FRMD4A: variants seen among roughly 807,000 people sequenced by gnomAD.
The protein encoded by FRMD4A is FERM domain-containing protein 4A.
FRMD4A carries 29 observed loss-of-function variants against 129.1 expected under a neutral mutation model. That is an observed-to-expected ratio of 0.22 (90% CI 0.17 to 0.31). The LOEUF is 0.31. Among genes scored for constraint, FRMD4A ranks in the 10% least tolerant of loss-of-function variants. FRMD4A has a pLI of 1.00. For missense variants in FRMD4A, 1,272 were observed against 1,375.8 expected (o/e 0.92, Z 1.19); for synonymous variants, 634 against 571.6 (o/e 1.11, Z -1.56).
intron 22 of FRMD4A, 148 bp downstream of exon 22, chr10:13,656,488 A>T (rs1357436314): frequency 3.0e-6 from 3 of 986,742 alleles, no homozygotes; most frequent in Non-Finnish European, 4.0e-6. Flanking sequence ...AGTCTCCCGC[A>T]TCTAACAGCA....
chr10:13,738,362 A>G (rs7074581), intron 11 of FRMD4A, among the ~76,000 whole-genome samples: 1 of 151,970 alleles, frequency 6.6e-6, no homozygotes, highest in Non-Finnish European at 1.5e-5. Flanking sequence ...ATCGATGGTC[A>G]GAGCCAGAGG....
chr10:14,037,922 TGATCCAAATG>T (rs1054758725), intron 2 of FRMD4A, among the ~76,000 whole-genome samples: 1 of 152,242 alleles, frequency 6.6e-6, no homozygotes, highest in African/African-American at 2.4e-5. Flanking sequence ...AAGCTTTCAT[TGATCCAAATG>T]GATCCAGTTT....
chr10:13,962,300 C>G (rs909546826), intron 2 of FRMD4A, among the ~76,000 whole-genome samples: 3 of 152,160 alleles, frequency 2.0e-5, no homozygotes, highest in Non-Finnish European at 4.4e-5. Flanking sequence ...GTTATGATAC[C>G]ATTATTTATA....
In FRMD4A at chr10:13,926,744, C is replaced by T. The variant is rs2095137791; in HGVS notation, c.46-67832G>A. Among the ~76,000 whole-genome samples the T allele has an allele frequency of 2.0e-5, 3 of 152,152 alleles. No individual in the cohort carries two copies. In the South Asian group the frequency reaches 6.2e-4, roughly 32 times the overall value. ...TATACAAGCAAATAAGAAAAATGTG[C>T]CCTACACGACAATGTACAAGGATAC... On this transcript the variant is annotated intron_variant, in intron 2 of 24. Coordinates refer to ENST00000357447, the MANE Select transcript of FRMD4A (RefSeq NM_018027.5).
At chr10:13,901,608 C>CAAAAAAA (rs35890520) in intron 2 of FRMD4A, among the ~76,000 whole-genome samples, 1 of 120,806 alleles carries the variant, frequency 8.3e-6, no homozygotes. Context: ...GACTTCATCT[C>CAAAAAAA]AAAAAAAAAA....
intron 2 of FRMD4A, among the ~76,000 whole-genome samples, chr10:13,860,477 G>C (rs1477314107): frequency 6.6e-6 from 1 of 152,174 alleles, no homozygotes; most frequent in Non-Finnish European, 1.5e-5. Context: ...TGACACATAA[G>C]TTTCCTTCCT....
intron 2 of FRMD4A, among the ~76,000 whole-genome samples, chr10:14,046,001 T>C (rs1329640289): frequency 6.6e-6 from 1 of 150,412 alleles, no homozygotes; most frequent in Non-Finnish European, 1.5e-5. Flanking sequence ...GTTATACATA[T>C]GTATTCATAT....
At chr10:14,188,696 G>A (rs1386485768) in intron 2 of FRMD4A, among the ~76,000 whole-genome samples, 2 of 152,180 alleles carry the variant, frequency 1.3e-5, no homozygotes, top group East Asian at 1.9e-4. Flanking sequence ...CTTAAGCCCA[G>A]GAGTTTGAGA....
At chr10:14,031,658 C>T (rs2131662577) in intron 2 of FRMD4A, among the ~76,000 whole-genome samples, 1 of 152,304 alleles carries the variant, frequency 6.6e-6, no homozygotes, top group East Asian at 1.9e-4. Flanking sequence ...AAGGCATGAG[C>T]TCTAGGCGAA....
At chr10:14,234,466 A>G (rs568678350) in intron 2 of FRMD4A, among the ~76,000 whole-genome samples, 2 of 152,162 alleles carry the variant, frequency 1.3e-5, no homozygotes, top group Non-Finnish European at 2.9e-5. Context: ...GAAATTAGGC[A>G]CGAGGGAATT....
intron 12 of FRMD4A, among the ~76,000 whole-genome samples, chr10:13,735,263 A>C (rs1262037049): frequency 6.6e-6 from 1 of 152,214 alleles, no homozygotes; most frequent in Non-Finnish European, 1.5e-5. Flanking sequence ...GGAAAATTCT[A>C]ACTTCTTCCT....
At chr10:13,764,411 G>A (rs887516024) in intron 6 of FRMD4A, among the ~76,000 whole-genome samples, 1 of 151,966 alleles carries the variant, frequency 6.6e-6, no homozygotes, top group Non-Finnish European at 1.5e-5. Flanking sequence ...AGGCTGAGGT[G>A]GGAGGGTCCC....
chr10:13,856,410 G>T (rs2094214938), intron 3 of FRMD4A, among the ~76,000 whole-genome samples: 1 of 152,088 alleles, frequency 6.6e-6, no homozygotes, highest in Non-Finnish European at 1.5e-5. Flanking sequence ...AGGTACTGGG[G>T]ATACACCATG....
intron 2 of FRMD4A, among the ~76,000 whole-genome samples, chr10:14,271,151 A>C (rs1478180400): frequency 2.6e-5 from 4 of 152,154 alleles, no homozygotes; most frequent in Non-Finnish European, 5.9e-5. Flanking sequence ...ACTTATCACC[A>C]AGGAGATGGC....
At chr10:13,879,449 T>A (rs1052369225) in intron 2 of FRMD4A, among the ~76,000 whole-genome samples, 1 of 151,864 alleles carries the variant, frequency 6.6e-6, no homozygotes, top group African/African-American at 2.4e-5. Flanking sequence ...GGAGTTTGAG[T>A]CTGCAGTGAG....
chr10:13,772,210 TTTA>T lies in FRMD4A; in HGVS notation c.385-9533_385-9531del, dbSNP rs1236652674. ...ATTATTATATAATAATAAATATTTA[TTTA>T]TTATTATTATATAATAAATAAATAA... On this transcript the variant is annotated intron_variant, in intron 6 of 24. Coordinates refer to ENST00000357447, the MANE Select transcript of FRMD4A (RefSeq NM_018027.5). Among the ~76,000 whole-genome samples, 6 of 142,466 alleles carry T rather than the reference TTTA, an allele frequency of 4.2e-5. No homozygotes were observed. In the South Asian group the frequency reaches 6.5e-4, roughly 15 times the overall value. 93.5% of individuals were successfully genotyped at this position (142,466 alleles called of 152,430 possible). A position where few individuals can be genotyped will look rare whatever the true frequency, so the allele number is the denominator to read the frequency against.
chr10:14,281,632 C>CA (rs2132061366), intron 2 of FRMD4A, among the ~76,000 whole-genome samples: 1 of 152,338 alleles, frequency 6.6e-6, no homozygotes, highest in East Asian at 1.9e-4. Context: ...AGTTCAGTGG[C>CA]ATTAAGTACC....
intron 2 of FRMD4A, among the ~76,000 whole-genome samples, chr10:14,184,343 C>A (rs1214581178): frequency 7.4e-6 from 1 of 135,090 alleles, no homozygotes; most frequent in Non-Finnish European, 1.6e-5. Context: ...CCATGTTGGC[C>A]AGGCTGGTCT....
intron 2 of FRMD4A, among the ~76,000 whole-genome samples, chr10:13,893,050 T>C (rs1334491061): frequency 1.3e-5 from 2 of 152,238 alleles, no homozygotes; most frequent in East Asian, 3.9e-4. Flanking sequence ...TGTTTGTTTG[T>C]TATAGAGACA....
Sources: allele counts gnomAD v4.1 joint callset (sites outside exome capture counted in the v4.1 genomes callset), GRCh38; gene constraint gnomAD v4.1.1; transcripts MANE v1.5; gene names NCBI Gene and HGNC (gene_info 2026-07-23, HGNC 2026-07-21).